Variants in BBS9 observed in about 807,000 individuals in gnomAD.
BBS9 encodes Bardet-Biedl syndrome 9.
In BBS9, 89 loss-of-function variants were observed where a neutral mutation model predicts 117.7. The observed-to-expected ratio is 0.76, with a 90% CI of 0.64 to 0.90. BBS9 has a LOEUF of 0.90. Among genes scored for constraint, BBS9 ranks in the 40% least tolerant of loss-of-function variants. BBS9 has a pLI of 0.00. For missense variants in BBS9, 982 were observed against 1,042.2 expected (o/e 0.94, Z 0.80); for synonymous variants, 379 against 370.9 (o/e 1.02, Z -0.25).
At chr7:33,565,098 A>G (rs1585276171) in intron 21 of BBS9, among the ~76,000 whole-genome samples, 2 of 152,200 alleles carry the variant, frequency 1.3e-5, no homozygotes, top group African/African-American at 2.4e-5. Flanking sequence ...TGCCTACTTC[A>G]TAAGGATATT....
chr7:33,163,519 G>T (rs113445977), intron 4 of BBS9, among the ~76,000 whole-genome samples: 2 of 152,244 alleles, frequency 1.3e-5, no homozygotes, highest in African/African-American at 4.8e-5. Flanking sequence ...CCTGTTATTT[G>T]TCTATTCAGA....
In BBS9 at chr7:33,387,997, G is replaced by C. The variant is rs1826340038; in HGVS notation, c.1968G>C (p.Arg656=). The C allele has an allele frequency of 1.2e-6, 2 of 1,613,852 alleles. No homozygotes were observed. The highest frequency in any genetic ancestry group is 4.5e-5 in the East Asian group (2 of 44,858). ...FELIDHHFEL[R]INGEKLEELL... is the part of the protein sequence containing the mutation. ...TAAGAAATTATTCATTGCAGCTACG[G>C]ATAAATGGTGAAAAATTAGAAGAAC... The change falls in exon 19 of 23, where the codon CGG becomes CGC. Residue 656 remains arginine, a synonymous_variant. Coordinates refer to ENST00000242067, the MANE Select transcript of BBS9 (RefSeq NM_198428.3).
chr7:33,472,019 A>AC (rs915057784), intron 19 of BBS9, among the ~76,000 whole-genome samples: 5 of 150,958 alleles, frequency 3.3e-5, no homozygotes, highest in African/African-American at 1.2e-4. Context: ...GGCAAAAAAA[A>AC]CCCCACTTTC....
intron 5 of BBS9, among the ~76,000 whole-genome samples, chr7:33,255,611 T>C (rs1044200188): frequency 1.3e-5 from 2 of 152,182 alleles, no homozygotes; most frequent in African/African-American, 2.4e-5. Context: ...AATCCTACCT[T>C]TGAAAATTTG....
At chr7:33,587,486 T>C (rs2129172048) in intron 21 of BBS9, among the ~76,000 whole-genome samples, 1 of 152,240 alleles carries the variant, frequency 6.6e-6, no homozygotes, top group African/African-American at 2.4e-5. Context: ...CAGTTCTACA[T>C]TTCCTCTTTG....
At chr7:33,391,780 T>C (rs1029232855) in intron 19 of BBS9, among the ~76,000 whole-genome samples, 2 of 152,242 alleles carry the variant, frequency 1.3e-5, no homozygotes, top group Non-Finnish European at 2.9e-5. Flanking sequence ...ATGAAAATAC[T>C]TGGTACCTAT....
rs1815378459 is a variant in BBS9 at position 33,336,476 on chromosome 7, A to T, written c.1052A>T (p.Asp351Val). The T allele has an allele frequency of 5.6e-6, 9 of 1,613,932 alleles. No homozygotes were observed. Among genetic ancestry groups the T allele is most frequent in the Non-Finnish European group, 7.6e-6 (9 of 1,179,886 alleles). ...LKGVIVTLSD[D>V]GHLQCSYLGT... ...GGAGTGATAGTCACTCTGAGTGATGATGGTCACTTGCAGTGTTCATACCTG... is the reference window on the plus strand; with the variant it reads ...GGAGTGATAGTCACTCTGAGTGATGTTGGTCACTTGCAGTGTTCATACCTG... The change falls in exon 10 of 23, where the codon GAT becomes GTT. Residue 351 changes from aspartate (D) to valine (V), a missense_variant. Asp to Val is a radical substitution (Grantham distance 152). Transcript: ENST00000242067.
intron 19 of BBS9, among the ~76,000 whole-genome samples, chr7:33,413,654 A>G (rs1011270673): frequency 3.4e-5 from 5 of 146,606 alleles, no homozygotes; most frequent in Admixed American, 1.4e-4. Flanking sequence ...AGTTGCGTGT[A>G]AAAAAAAAAC....
At chr7:33,534,321 C>T in intron 21 of BBS9, 145 bp downstream of exon 21, 1 of 822,678 alleles carries the variant, frequency 1.2e-6, no homozygotes, top group Non-Finnish European at 2.0e-6. Flanking sequence ...CTCTGACATC[C>T]CAGGGTAACC....
In BBS9 at chr7:33,479,778, G is replaced by A. The variant is rs527847918; in HGVS notation, c.2116-25685G>A. The stretch of plus-strand genomic sequence containing the variant: ...TTTTAAATACTAGCCATTCTGACTG[G>A]TGTGACATGGTATCTTCATTTTGGT... On this transcript the variant is annotated intron_variant, in intron 19 of 22. Transcript: ENST00000242067. Among the ~76,000 whole-genome samples, 4 of 152,214 alleles carry A rather than the reference G, an allele frequency of 2.6e-5. No homozygotes were observed. In the East Asian group the frequency reaches 5.8e-4, roughly 22 times the overall value.
At chr7:33,240,053 C>G (rs1225984075) in intron 5 of BBS9, among the ~76,000 whole-genome samples, 1 of 152,062 alleles carries the variant, frequency 6.6e-6, no homozygotes, top group Non-Finnish European at 1.5e-5. Context: ...AGTTTTCCCC[C>G]CAAACATTTA....
At chr7:33,168,079 T>C (rs1001169358) in intron 4 of BBS9, among the ~76,000 whole-genome samples, 1 of 152,198 alleles carries the variant, frequency 6.6e-6, no homozygotes, top group African/African-American at 2.4e-5. Flanking sequence ...AGATTAAAAA[T>C]CATTTCATGT....
At chr7:33,527,620 C>CT (rs1344929754) in intron 20 of BBS9, among the ~76,000 whole-genome samples, 8 of 152,334 alleles carry the variant, frequency 5.3e-5, no homozygotes, top group African/African-American at 1.9e-4. Context: ...GCACGGTGCG[C>CT]ACACCCACTG....
chr7:33,323,415 A>G (rs1369027772), intron 9 of BBS9, among the ~76,000 whole-genome samples: 1 of 152,112 alleles, frequency 6.6e-6, no homozygotes, highest in Non-Finnish European at 1.5e-5. Flanking sequence ...TGGATGCTAC[A>G]GTATTGGGTG....
chr7:33,537,495 T>C (rs1380502015), intron 21 of BBS9, among the ~76,000 whole-genome samples: 3 of 152,224 alleles, frequency 2.0e-5, no homozygotes, highest in African/African-American at 4.8e-5. Flanking sequence ...CATCTGTAGC[T>C]CTGGTGTTCA....
intron 19 of BBS9, among the ~76,000 whole-genome samples, chr7:33,389,687 T>TAAAAAAAA (rs5883400): frequency 7.9e-4 from 73 of 91,964 alleles, no homozygotes; most frequent in African/African-American, 2.8e-3. Flanking sequence ...AGACTCCATC[T>TAAAAAAAA]AAAAAAAAAA....
At chr7:33,419,748 C>T (rs1395984725) in intron 19 of BBS9, among the ~76,000 whole-genome samples, 1 of 152,090 alleles carries the variant, frequency 6.6e-6, no homozygotes, top group Non-Finnish European at 1.5e-5. Flanking sequence ...CTGTATACTT[C>T]ATTAAAAATC....
intron 16 of BBS9, 65 bp from the exon 17 acceptor site, chr7:33,367,702 C>T: frequency 7.5e-7 from 1 of 1,334,460 alleles, no homozygotes; most frequent in Non-Finnish European, 1.1e-6. Context: ...AACTAAGGTT[C>T]CTATTTCAAA....
chr7:33,226,146 T>G (rs1791230085), intron 5 of BBS9, among the ~76,000 whole-genome samples: 1 of 152,180 alleles, frequency 6.6e-6, no homozygotes, highest in Admixed American at 6.5e-5. Flanking sequence ...TGATTGTCAG[T>G]GCAGTTTGAA....
Sources: gnomAD v4.1 joint callset for allele counts (sites outside exome capture counted in the v4.1 genomes callset) on GRCh38, gnomAD v4.1.1 for gene constraint, MANE v1.5 for transcripts, NCBI Gene and HGNC (gene_info 2026-07-23, HGNC 2026-07-21) for gene names.